Variants in ADRA1B observed in about 807,000 individuals in gnomAD.
ADRA1B encodes adrenoceptor alpha 1B.
In ADRA1B, 17 loss-of-function variants were observed where a neutral mutation model predicts 17.9. The ratio of observed to expected loss-of-function variants is 0.95; its 90% CI spans 0.65 to 1.42. The LOEUF (loss-of-function observed/expected upper bound fraction) is 1.42, where lower values mean the gene tolerates loss of function less well. Among genes scored for constraint, ADRA1B ranks in the 40% most tolerant of loss-of-function variants. The pLI is 0.00. For synonymous variants in ADRA1B, 366 were observed against 327.6 expected, an observed-to-expected ratio of 1.12 and a Z score of -1.27; for missense variants, 681 against 722.1, an observed-to-expected ratio of 0.94 and a Z score of 0.65.
At chr5:159,884,121 C>A (rs1048824484) in intron 1 of ADRA1B, among the ~76,000 whole-genome samples, 2 of 152,260 alleles carry the variant, frequency 1.3e-5, no homozygotes, top group South Asian at 2.1e-4. Flanking sequence ...AGAAAAAAAT[C>A]AAATCAATTA....
At chr5:159,976,810 G>A (rs1755980287), downstream of ADRA1B, among the ~76,000 whole-genome samples, 3 of 152,160 alleles carry the variant, frequency 2.0e-5, no homozygotes, top group South Asian at 6.2e-4. Flanking sequence ...GTTAGGATTA[G>A]CACATCCTGT....
Position 159,917,555 on chromosome 5 carries a change from C to G in ADRA1B, c.650C>G (p.Ala217Gly). Residue 217 changes from alanine (A) to glycine (G), a missense_variant, in exon 1 of 2, where the codon GCG becomes GGG. Coordinates refer to ENST00000306675, the MANE Select transcript of ADRA1B (RefSeq NM_000679.4). ...CTGGGCTCCTTCTACATCCCTCTGG[C>G]GGTCATTCTAGTCATGTACTGCCGT... ...SSLGSFYIPL[A>G]VILVMYCRVY... The G allele has an allele frequency of 6.2e-7, 1 of 1,613,990 alleles. No homozygotes were observed. Among genetic ancestry groups the G allele is most frequent in the Non-Finnish European group, 8.5e-7 (1 of 1,179,980 alleles).
chr5:159,899,041 G>A (rs1018357819), intron 1 of ADRA1B, among the ~76,000 whole-genome samples: 1 of 152,038 alleles, frequency 6.6e-6, no homozygotes, highest in Admixed American at 6.6e-5. Flanking sequence ...CAGCTACGTG[G>A]GAGGCTGAAG....
chr5:159,907,478 G>A (rs978789956), intron 1 of ADRA1B, among the ~76,000 whole-genome samples: 4 of 149,932 alleles, frequency 2.7e-5, no homozygotes, highest in Admixed American at 6.7e-5. Flanking sequence ...TTTACCAGCC[G>A]CTGTTTGTTC....
At chr5:159,944,429 A>G (rs1039357247) in intron 1 of ADRA1B, among the ~76,000 whole-genome samples, 14 of 152,268 alleles carry the variant, frequency 9.2e-5, no homozygotes, top group African/African-American at 3.1e-4. Flanking sequence ...TCTGTTAATC[A>G]GTTAATTATT....
At chr5:159,890,048 G>A (rs1753965395) in intron 1 of ADRA1B, among the ~76,000 whole-genome samples, 1 of 152,184 alleles carries the variant, frequency 6.6e-6, no homozygotes, top group South Asian at 2.1e-4. Context: ...AGCATCCAGA[G>A]GTGTAAGAGC....
intron 1 of ADRA1B, among the ~76,000 whole-genome samples, chr5:159,960,499 T>C (rs115932527): frequency 8.7e-4 from 133 of 152,318 alleles, no homozygotes; most frequent in African/African-American, 3.0e-3. Flanking sequence ...AAAGTAAAAT[T>C]GTAATGCGGG....
chr5:159,890,973 T>C (rs1753977379), intron 1 of ADRA1B, among the ~76,000 whole-genome samples: 3 of 152,202 alleles, frequency 2.0e-5, no homozygotes, highest in Admixed American at 6.5e-5. Flanking sequence ...TTCCTTGGAC[T>C]CATTCCTCCT....
the ADRA1B span, among the ~76,000 whole-genome samples, chr5:159,978,214 G>A: frequency 1.3e-5 from 2 of 152,166 alleles, no homozygotes; most frequent in Non-Finnish European, 2.9e-5. Context: ...AGCACTTCAT[G>A]TAGTACCTGA....
At chr5:159,873,747 T>A (rs1298679841) in intron 1 of ADRA1B, among the ~76,000 whole-genome samples, 1 of 152,170 alleles carries the variant, frequency 6.6e-6, no homozygotes, top group Admixed American at 6.5e-5. Context: ...TTTCACCTCC[T>A]TCCATCTCTA....
rs1489536817 is a variant in ADRA1B, at chr5:159,917,558, T to C, written c.653T>C (p.Val218Ala). ...GGCTCCTTCTACATCCCTCTGGCGG[T>C]CATTCTAGTCATGTACTGCCGTGTC... Reference protein sequence around the residue: ...SLGSFYIPLAVILVMYCRVYI... With the variant: ...SLGSFYIPLAAILVMYCRVYI... Residue 218 changes from valine to alanine, a missense_variant, in exon 1 of 2, where the codon GTC (valine) becomes GCC (alanine). Val to Ala is a moderately conservative substitution (Grantham distance 64, BLOSUM62 0). Transcript: ENST00000306675. The C allele has an allele frequency of 6.2e-7, 1 of 1,613,754 alleles. No individual in the cohort carries two copies. The highest frequency in any genetic ancestry group is 1.3e-5 in the African/African-American group (1 of 74,870).
rs747088727 is a variant in ADRA1B, at chr5:159,916,916, A to T, written c.11A>T (p.Asp4Val). 2 of 1,611,512 alleles carry T rather than the reference A, an allele frequency of 1.2e-6. No homozygotes were observed. The highest frequency in any genetic ancestry group is 1.7e-6 in the Non-Finnish European group (2 of 1,178,638). ...AGGGCGGACTCTAAGATGAATCCCG[A>T]CCTGGACACCGGCCACAACACATCA... Reference protein sequence around the residue: MNPDLDTGHNTSAP... With the variant: MNPVLDTGHNTSAP... Residue 4 changes from aspartate (D) to valine (V), a missense_variant, in exon 1 of 2, where the codon GAC becomes GTC. By Grantham distance (152) the Asp-to-Val change is radical. This residue lies in a region of ADRA1B where 424 missense variants were observed against 480.2 expected (regional missense o/e 0.88). Coordinates refer to ENST00000306675, the MANE Select transcript of ADRA1B (RefSeq NM_000679.4).
chr5:159,911,933 G>A (rs1467182208), upstream of ADRA1B, among the ~76,000 whole-genome samples: 3 of 152,174 alleles, frequency 2.0e-5, no homozygotes, highest in Non-Finnish European at 2.9e-5. Flanking sequence ...TGTGCCACTT[G>A]TTAGTCCTGT....
chr5:159,948,171 C>G (rs1238706050), intron 1 of ADRA1B: 3 of 985,334 alleles, frequency 3.0e-6, no homozygotes, highest in South Asian at 4.7e-5. Context: ...TGACCCAGGG[C>G]TGGAGGCATG....
chr5:159,933,796 G>T (rs1047033462), intron 1 of ADRA1B, among the ~76,000 whole-genome samples: 2 of 152,216 alleles, frequency 1.3e-5, no homozygotes, highest in Non-Finnish European at 1.5e-5. Context: ...CAGGACTGAC[G>T]TCCCAATTTA....
chr5:159,988,610 A>G, the ADRA1B span, among the ~76,000 whole-genome samples: 2 of 152,164 alleles, frequency 1.3e-5, no homozygotes, highest in Non-Finnish European at 2.9e-5. Flanking sequence ...GAACTCACCC[A>G]TGCCATAGAG....
the ADRA1B span, among the ~76,000 whole-genome samples, chr5:159,981,502 T>A: frequency 1.6e-3 from 241 of 152,280 alleles, 1 homozygote; most frequent in African/African-American, 5.1e-3. Flanking sequence ...TTTTTGTTTG[T>A]TTGCTTGTTT....
chr5:159,986,839 G>A, the ADRA1B span, among the ~76,000 whole-genome samples: 3 of 152,148 alleles, frequency 2.0e-5, no homozygotes, highest in Non-Finnish European at 2.9e-5. Flanking sequence ...TTACATTGCC[G>A]GGTAAGGGCT....
At chr5:159,943,888 A>ATT (rs199766907) in intron 1 of ADRA1B, among the ~76,000 whole-genome samples, 4,062 of 142,382 alleles carry the variant, frequency 0.029, 197 homozygotes, top group African/African-American at 0.095. Flanking sequence ...ATTGGCTCTC[A>ATT]TTCTCTCTCT....
Sources: allele counts gnomAD v4.1 joint callset (sites outside exome capture counted in the v4.1 genomes callset), GRCh38; gene constraint gnomAD v4.1.1; regional missense constraint gnomAD v4.1.1; transcripts MANE v1.5; gene names NCBI Gene and HGNC (gene_info 2026-07-23, HGNC 2026-07-21).